Variants in MYO16 observed in about 807,000 individuals in gnomAD.
MYO16 encodes the protein unconventional myosin-XVI.
In MYO16, 94 loss-of-function variants were observed where a neutral mutation model predicts 205.3. The ratio of observed to expected loss-of-function variants is 0.46; its 90% CI spans 0.39 to 0.54. The LOEUF (loss-of-function observed/expected upper bound fraction) is 0.54. Among genes scored for constraint, MYO16 ranks in the 20% least tolerant of loss-of-function variants. The probability of loss-of-function intolerance (pLI) is 0.00; values close to 1 mark genes in which losing one functional copy is unlikely to be tolerated. For missense variants in MYO16, 2,315 were observed against 2,387.5 expected, an observed-to-expected ratio of 0.97 and a Z score of 0.63; for synonymous variants, 988 against 954.0, an observed-to-expected ratio of 1.04 and a Z score of -0.66.
intron 1 of MYO16, among the ~76,000 whole-genome samples, chr13:108,610,222 A>C (rs1200060740): frequency 6.6e-6 from 1 of 152,134 alleles, no homozygotes. Flanking sequence ...GAGAGAGTGC[A>C]CATAAGGACT....
intron 7 of MYO16, among the ~76,000 whole-genome samples, chr13:108,808,197 A>G (rs1208668808): frequency 2.0e-5 from 3 of 152,252 alleles, no homozygotes; most frequent in Non-Finnish European, 4.4e-5. Context: ...CATAGACACA[A>G]AAAGTATCCC....
intron 10 of MYO16, among the ~76,000 whole-genome samples, chr13:108,849,014 C>T (rs528046282): frequency 6.6e-6 from 1 of 151,858 alleles, no homozygotes; most frequent in Non-Finnish European, 1.5e-5. Flanking sequence ...GTAGACTTCA[C>T]TATTTAAGAA....
At chr13:108,541,916 G>T in the MYO16 span, among the ~76,000 whole-genome samples, 5 of 151,940 alleles carry the variant, frequency 3.3e-5, no homozygotes, top group African/African-American at 1.2e-4. Context: ...TTCCTCAAAG[G>T]ACAAAAAACA....
intron 7 of MYO16, among the ~76,000 whole-genome samples, chr13:108,811,714 A>C (rs1379669108): frequency 6.6e-6 from 1 of 152,080 alleles, no homozygotes; most frequent in Non-Finnish European, 1.5e-5. Flanking sequence ...GACTGTGTCG[A>C]GATACTTAAG....
chr13:108,928,154 C>G (rs889576356), intron 16 of MYO16, among the ~76,000 whole-genome samples: 10 of 152,238 alleles, frequency 6.6e-5, no homozygotes, highest in African/African-American at 2.4e-4. Flanking sequence ...GGAGCAGCTT[C>G]CATGAAAGAG....
At chr13:109,187,155 T>C (rs1879721786) in intron 34 of MYO16, among the ~76,000 whole-genome samples, 1 of 152,192 alleles carries the variant, frequency 6.6e-6, no homozygotes, top group Admixed American at 6.5e-5. Flanking sequence ...TCCAAATACA[T>C]CCTTTTCTTA....
chr13:108,950,424 A>G (rs1045301162), intron 16 of MYO16, among the ~76,000 whole-genome samples: 18 of 152,230 alleles, frequency 1.2e-4, no homozygotes, highest in African/African-American at 4.1e-4. Context: ...CGGATAGCAC[A>G]TAAGCATGTG....
intron 20 of MYO16, among the ~76,000 whole-genome samples, chr13:108,982,612 A>G (rs1884483145): frequency 6.6e-6 from 1 of 152,164 alleles, no homozygotes; most frequent in South Asian, 2.1e-4. Flanking sequence ...AATTTTTTAA[A>G]GGGTAATAGG....
At chr13:109,119,360 T>C (rs984874121) in intron 28 of MYO16, among the ~76,000 whole-genome samples, 13 of 152,332 alleles carry the variant, frequency 8.5e-5, no homozygotes, top group African/African-American at 3.1e-4. Context: ...TCTCAAGTGC[T>C]AAGAATCTGA....
chr13:109,098,676 A>C (rs1652170333), intron 27 of MYO16, among the ~76,000 whole-genome samples: 1 of 152,178 alleles, frequency 6.6e-6, no homozygotes, highest in Non-Finnish European at 1.5e-5. Flanking sequence ...AGAAAGCTGT[A>C]GTGGATCAGA....
chr13:108,907,206 A>G (rs969777433), intron 15 of MYO16, among the ~76,000 whole-genome samples: 1 of 152,008 alleles, frequency 6.6e-6, no homozygotes, highest in African/African-American at 2.4e-5. Context: ...CTTTTTTTTT[A>G]TATAATGAAC....
the MYO16 span, among the ~76,000 whole-genome samples, chr13:108,587,674 T>C: frequency 3.3e-5 from 5 of 152,142 alleles, no homozygotes; most frequent in Admixed American, 1.3e-4. Flanking sequence ...AATTCATATG[T>C]AATATTTTTC....
intron 1 of MYO16, among the ~76,000 whole-genome samples, chr13:108,663,368 A>G (rs1881588017): frequency 6.6e-6 from 1 of 152,004 alleles, no homozygotes; most frequent in South Asian, 2.1e-4. Context: ...TCATAGACAT[A>G]TACGTACATG....
intron 23 of MYO16, among the ~76,000 whole-genome samples, chr13:109,046,681 C>T (rs886654504): frequency 2.6e-5 from 4 of 152,100 alleles, no homozygotes; most frequent in African/African-American, 7.2e-5. Flanking sequence ...TTAAACTTGG[C>T]AATCAAAGGA....
the MYO16 span, among the ~76,000 whole-genome samples, chr13:108,560,005 AC>A: frequency 4.6e-5 from 7 of 152,072 alleles, no homozygotes; most frequent in Admixed American, 1.3e-4. Flanking sequence ...CCCCTCTAAC[AC>A]CCTTCCTAAT....
intron 7 of MYO16, among the ~76,000 whole-genome samples, chr13:108,818,341 G>A (rs970489709): frequency 1.7e-4 from 26 of 150,852 alleles, no homozygotes; most frequent in African/African-American, 3.7e-4. Context: ...CCAAGATGGC[G>A]CCACTGCACT....
At chr13:108,957,393 A>AAC (rs1883402951) in intron 16 of MYO16, among the ~76,000 whole-genome samples, 2 of 151,334 alleles carry the variant, frequency 1.3e-5, no homozygotes, top group South Asian at 2.1e-4. Flanking sequence ...CAAAAAAAAA[A>AAC]AAAAAAAACA....
intron 20 of MYO16, among the ~76,000 whole-genome samples, chr13:108,991,859 C>T (rs941764368): frequency 4.6e-5 from 7 of 152,232 alleles, no homozygotes; most frequent in Non-Finnish European, 8.8e-5. Flanking sequence ...AATATTAAAT[C>T]ACCCACATAG....
the MYO16 span, among the ~76,000 whole-genome samples, chr13:108,538,203 T>C: frequency 2.0e-5 from 3 of 151,986 alleles, no homozygotes; most frequent in African/African-American, 7.2e-5. Flanking sequence ...GTAGATAGAC[T>C]AATAAAGAGA....
Sources: gnomAD v4.1 joint callset for allele counts (sites outside exome capture counted in the v4.1 genomes callset) on GRCh38, gnomAD v4.1.1 for gene constraint, MANE v1.5 for transcripts, NCBI Gene and HGNC (gene_info 2026-07-23, HGNC 2026-07-21) for gene names.